The following DARS1 variants were observed in gnomAD, a reference collection of about 807,000 sequenced individuals.
The protein encoded by DARS1 is aspartate--tRNA ligase, cytoplasmic.
A neutral mutation model predicts 68.8 loss-of-function variants in DARS1; 51 were observed. The observed-to-expected ratio is 0.74, with a 90% confidence interval of 0.59 to 0.94. The LOEUF (loss-of-function observed/expected upper bound fraction) is 0.94. DARS1 is among the 40% of genes least tolerant of loss of function. DARS1 has a pLI of 0.00. For synonymous variants in DARS1, 203 were observed against 190.4 expected, an observed-to-expected ratio of 1.07 and a Z score of -0.55; for missense variants, 607 against 597.3, an observed-to-expected ratio of 1.02 and a Z score of -0.17.
intron 11 of DARS1, among the ~76,000 whole-genome samples, 195 bp downstream of exon 11, chr2:135,916,031 A>G (rs950106718): frequency 6.6e-6 from 1 of 152,208 alleles, no homozygotes; most frequent in Non-Finnish European, 1.5e-5. Context: ...GGTGAAAAAA[A>G]TCATTTATTA....
intron 5 of DARS1, among the ~76,000 whole-genome samples, chr2:135,939,686 C>T (rs541371281): frequency 1.3e-5 from 2 of 151,962 alleles, no homozygotes; most frequent in Non-Finnish European, 2.9e-5. Context: ...GACAGAGACA[C>T]AAAAACCCTT....
intron 15 of DARS1, among the ~76,000 whole-genome samples, chr2:135,908,860 A>G (rs1408236110): frequency 6.6e-6 from 1 of 152,230 alleles, no homozygotes; most frequent in East Asian, 1.9e-4. Context: ...ACTATTCACA[A>G]TAGCAAAGAC....
chr2:135,922,082 G>A (rs1411609115), intron 9 of DARS1, among the ~76,000 whole-genome samples: 2 of 152,054 alleles, frequency 1.3e-5, no homozygotes, highest in African/African-American at 4.8e-5. Context: ...ATGATTATGT[G>A]CCTGTGCTTG....
At chr2:135,951,343 C>T (rs1681834394) in intron 4 of DARS1, among the ~76,000 whole-genome samples, 1 of 152,162 alleles carries the variant, frequency 6.6e-6, no homozygotes, top group African/African-American at 2.4e-5. Flanking sequence ...ACTCTCAGTC[C>T]ATGTTGGCAA....
chr2:135,966,822 T>C (rs1682248052), intron 3 of DARS1, among the ~76,000 whole-genome samples: 1 of 152,196 alleles, frequency 6.6e-6, no homozygotes, highest in Non-Finnish European at 1.5e-5. Flanking sequence ...GCCTGGTCTA[T>C]CTTTTGATAT....
intron 15 of DARS1, among the ~76,000 whole-genome samples, chr2:135,908,019 G>A (rs1440267192): frequency 1.3e-5 from 2 of 152,050 alleles, no homozygotes; most frequent in Admixed American, 1.3e-4. Flanking sequence ...GGTATTGATA[G>A]GAAACAAGTT....
chr2:135,983,275 G>C, intron 2 of DARS1, 122 bp downstream of exon 2: 2 of 646,692 alleles, frequency 3.1e-6, no homozygotes, highest in Non-Finnish European at 5.4e-6. Context: ...GATTATTAAT[G>C]TCATTTAAGC....
intron 4 of DARS1, among the ~76,000 whole-genome samples, chr2:135,960,852 A>C (rs1480851288): frequency 6.6e-6 from 1 of 152,248 alleles, no homozygotes; most frequent in Non-Finnish European, 1.5e-5. Context: ...TGAGCCAGAC[A>C]GCCCAGACTT....
intron 15 of DARS1, among the ~76,000 whole-genome samples, chr2:135,907,697 AAAAAC>A (rs1310975986): frequency 2.0e-5 from 3 of 152,218 alleles, no homozygotes; most frequent in Non-Finnish European, 2.9e-5. Flanking sequence ...TAACAATAAG[AAAAAC>A]AAAACAAAAG....
chr2:135,958,067 A>G (rs1431262467), intron 4 of DARS1, among the ~76,000 whole-genome samples: 4 of 152,204 alleles, frequency 2.6e-5, no homozygotes, highest in Non-Finnish European at 5.9e-5. Context: ...TACCTAAAAC[A>G]TTAACTTTGA....
Position 135,911,426 on chromosome 2 carries a change from T to C in DARS1, c.1298A>G (p.His433Arg), listed in dbSNP as rs2104792676. 1.9e-6 allele frequency: 2 copies of C among 1,069,214 alleles called. No homozygotes were observed. The highest frequency in any genetic ancestry group is 2.9e-6 in the Non-Finnish European group (2 of 681,412). The allele number at this position is 1,069,214 out of a possible 1,614,324, so 66.2% of individuals were successfully genotyped here. A position where few individuals can be genotyped will look rare whatever the true frequency, so the allele number is the denominator to read the frequency against. Residue 433 changes from histidine to arginine, a missense_variant, in exon 14 of 16, where the codon CAT (histidine) becomes CGT (arginine). By Grantham distance (29) the His-to-Arg change is conservative (BLOSUM62 0). Transcript: ENST00000264161. ...EEILSGAQRI[H>R]DPQLLTERAL... is the part of the protein sequence containing the mutation. ...TCTCTCTGTTAGCAGTTGAGGATCA[T>C]GTATTCTTTGAGCTCCTGACAATAT...
intron 7 of DARS1, among the ~76,000 whole-genome samples, chr2:135,926,652 AAAAC>A (rs1193467736): frequency 2.0e-5 from 3 of 152,266 alleles, no homozygotes; most frequent in Admixed American, 6.5e-5. Context: ...ACAAGAAAGA[AAAAC>A]AAATATTTCA....
chr2:135,921,479 T>C (rs1391819443), intron 9 of DARS1, among the ~76,000 whole-genome samples: 2 of 152,268 alleles, frequency 1.3e-5, no homozygotes, highest in South Asian at 2.1e-4. Flanking sequence ...GAATTTTCTT[T>C]TATGGTGACT....
At chr2:135,907,509 CTTGT>C in intron 15 of DARS1, 102 bp from the exon 16 acceptor site, 1 of 721,610 alleles carries the variant, frequency 1.4e-6, no homozygotes, top group Non-Finnish European at 2.2e-6. Context: ...AATACTTTTC[CTTGT>C]TAGGAAAGAA....
chr2:135,933,876 C>T lies in DARS1; in HGVS notation c.504+34G>A, dbSNP rs111716305. The T allele has an allele frequency of 2.1e-3, 3,329 of 1,596,982 alleles. 45 individuals carry two copies. The African/African-American group carries it at 0.028, about 14-fold the overall frequency. ...AATGTTTTGCAAACTAAATATACAG[C>T]GGAAGCATAATATTTCATAAGTATA... On this transcript the variant is annotated intron_variant, in intron 6 of 15. Coordinates refer to ENST00000264161, the MANE Select transcript of DARS1 (RefSeq NM_001349.4).
At chr2:135,943,996 C>T (rs554075317) in intron 4 of DARS1, among the ~76,000 whole-genome samples, 5 of 152,160 alleles carry the variant, frequency 3.3e-5, no homozygotes, top group Middle Eastern at 3.4e-3. Context: ...GAGTATACTC[C>T]GTCATCAGAT....
At chr2:135,969,616 TAA>T (rs748237751) in intron 3 of DARS1, among the ~76,000 whole-genome samples, 7 of 139,066 alleles carry the variant, frequency 5.0e-5, no homozygotes, top group Admixed American at 7.2e-5. Context: ...AGCACTATAC[TAA>T]AAAAAAAAAA....
At chr2:135,959,432 A>G (rs4538260) in intron 4 of DARS1, among the ~76,000 whole-genome samples, 3 of 136,186 alleles carry the variant, frequency 2.2e-5, no homozygotes, top group African/African-American at 5.9e-5. Context: ...AAAAAAAAAA[A>G]GATCGCCCGT....
intron 3 of DARS1, among the ~76,000 whole-genome samples, chr2:135,966,157 T>C (rs1682231115): frequency 6.6e-6 from 1 of 151,610 alleles, no homozygotes; most frequent in Admixed American, 6.6e-5. Context: ...ATTTTGTCTG[T>C]CTGTAAATGT....
Sources: gnomAD v4.1 joint callset for allele counts (sites outside exome capture counted in the v4.1 genomes callset) on GRCh38, gnomAD v4.1.1 for gene constraint, MANE v1.5 for transcripts, NCBI Gene and HGNC (gene_info 2026-07-23, HGNC 2026-07-21) for gene names.